Variants in NMU observed in about 807,000 individuals in gnomAD.
NMU encodes neuromedin U.
Under a neutral mutation model 35.4 loss-of-function variants are expected in NMU, and 29 were observed. The ratio of observed to expected loss-of-function variants is 0.82; its 90% CI spans 0.61 to 1.12. The LOEUF (loss-of-function observed/expected upper bound fraction) is 1.12. Among genes scored for constraint, NMU ranks in the 50% most tolerant of loss-of-function variants. The pLI is 0.00. For synonymous variants in NMU, 78 were observed against 81.3 expected (o/e 0.96, Z 0.22); for missense variants, 199 against 206.2 (o/e 0.97, Z 0.21).
chr4:55,625,280 T>C (rs2110208446), intron 2 of NMU, among the ~76,000 whole-genome samples: 2 of 152,250 alleles, frequency 1.3e-5, no homozygotes, highest in Non-Finnish European at 2.9e-5. Flanking sequence ...TATACTTTTT[T>C]TTTGCAAGTC....
At chr4:55,628,481 CATTATTATT>C (rs111899620) in intron 2 of NMU, among the ~76,000 whole-genome samples, 1 of 150,184 alleles carries the variant, frequency 6.7e-6, no homozygotes, top group Non-Finnish European at 1.5e-5. Flanking sequence ...TTATTTCTGC[CATTATTATT>C]ATTATTATTA....
intron 3 of NMU, among the ~76,000 whole-genome samples, chr4:55,616,039 G>A (rs1560520766): frequency 6.6e-6 from 1 of 152,136 alleles, no homozygotes. Flanking sequence ...ATGAGCCACT[G>A]CACCCTGACA....
At chr4:55,614,722 T>G (rs1054830300) in intron 3 of NMU, among the ~76,000 whole-genome samples, 9 of 152,194 alleles carry the variant, frequency 5.9e-5, no homozygotes, top group Non-Finnish European at 7.3e-5. Flanking sequence ...CTTGATGAAG[T>G]TTAAATGAGT....
chr4:55,636,036 G>C lies in NMU; in HGVS notation c.112+45C>G, dbSNP rs1715902828. The C allele has an allele frequency of 5.2e-6, 8 of 1,532,832 alleles. No individual in the cohort carries two copies. Among genetic ancestry groups the C allele is most frequent in the Non-Finnish European group, 7.0e-6 (8 of 1,146,182 alleles). 95.0% of individuals were successfully genotyped at this position (1,532,832 alleles called of 1,614,324 possible). ...GGAGAGCGGTGAGTGGAGCCAGAGA[G>C]AGGCGCGCATGGCGTGGAAGCGGCC... On this transcript the variant is annotated intron_variant, in intron 1 of 9. Coordinates refer to ENST00000264218, the MANE Select transcript of NMU (RefSeq NM_006681.4). The surrounding 1 kb of genome is among the most constrained non-coding windows in gnomAD (Gnocchi z 4.0).
intron 2 of NMU, among the ~76,000 whole-genome samples, chr4:55,619,598 G>A (rs60601441): frequency 0.02 from 2,564 of 131,360 alleles, 81 homozygotes; most frequent in African/African-American, 0.069. Flanking sequence ...AGGGGCGCCC[G>A]CCATTGCCCA....
intron 1 of NMU, among the ~76,000 whole-genome samples, chr4:55,632,006 T>C (rs1265476401): frequency 1.3e-5 from 2 of 152,220 alleles, no homozygotes; most frequent in African/African-American, 4.8e-5. Flanking sequence ...CAAAGTAATG[T>C]CTTTTGCAGC....
At chr4:55,619,036 A>AT (rs1046722493) in intron 2 of NMU, among the ~76,000 whole-genome samples, 10 of 151,658 alleles carry the variant, frequency 6.6e-5, no homozygotes, top group African/African-American at 2.4e-4. Context: ...TGCCTGGCTT[A>AT]TTTTTTATTA....
At position 55,636,128 on chromosome 4, in the gene NMU, A is replaced by T. The variant is rs1265826232; in HGVS notation, c.65T>A (p.Leu22His). ...GGCGAGCAGCAGCAGCAGCAGCAGG[A>T]GCGGGGACGCCGCGGCCACCTGTCC... ...PAGQVAAASP[L>H]LLLLLLLAWC... The change falls in exon 1 of 10, where the codon CTC (leucine) becomes CAC (histidine). Residue 22 changes from leucine to histidine, a missense_variant. Transcript: ENST00000264218. The surrounding 1 kb of genome is among the most constrained non-coding windows in gnomAD (Gnocchi z 4.0). 1.2e-5 allele frequency: 19 copies of T among 1,525,934 alleles called. No homozygotes were observed. In the Admixed American group the frequency reaches 3.6e-4, roughly 29 times the overall value. The allele number at this position is 1,525,934 out of a possible 1,614,324, so 94.5% of individuals were successfully genotyped here.
upstream of NMU, chr4:55,636,427 C>T: frequency 3.8e-6 from 2 of 529,510 alleles, no homozygotes; most frequent in Non-Finnish European, 6.1e-6. The surrounding 1 kb of genome is among the most constrained non-coding windows in gnomAD (Gnocchi z 4.0). Flanking sequence ...CCGCTGCCTG[C>T]CCGCGCCCCA....
chr4:55,625,239 C>A (rs189468606), intron 2 of NMU, among the ~76,000 whole-genome samples: 2 of 141,790 alleles, frequency 1.4e-5, no homozygotes, highest in African/African-American at 5.2e-5. Flanking sequence ...ATCTTAACTT[C>A]TTTAAATATA....
intron 2 of NMU, among the ~76,000 whole-genome samples, chr4:55,617,687 T>G (rs970711330): frequency 6.6e-6 from 1 of 152,212 alleles, no homozygotes; most frequent in African/African-American, 2.4e-5. Context: ...CTCTGACTTT[T>G]GAGCAATGCT....
At chr4:55,625,855 G>T (rs1350161121) in intron 2 of NMU, among the ~76,000 whole-genome samples, 1 of 151,562 alleles carries the variant, frequency 6.6e-6, no homozygotes, top group South Asian at 2.1e-4. Flanking sequence ...TGCTTCAAGT[G>T]CTGTAGTAGA....
At chr4:55,633,592 T>A (rs945330870) in intron 1 of NMU, among the ~76,000 whole-genome samples, 1 of 152,206 alleles carries the variant, frequency 6.6e-6, no homozygotes, top group East Asian at 1.9e-4. Context: ...TTCATTACTA[T>A]CTACTAAAGT....
At chr4:55,605,882 C>T (rs1196144260) in intron 6 of NMU, among the ~76,000 whole-genome samples, 1 of 152,182 alleles carries the variant, frequency 6.6e-6, no homozygotes, top group East Asian at 1.9e-4. Context: ...ATAGTGAAAA[C>T]TGTGACTAAG....
chr4:55,635,993 T>C (rs1040132280), intron 1 of NMU, 88 bp downstream of exon 1: 8 of 1,525,362 alleles, frequency 5.2e-6, no homozygotes, highest in Non-Finnish European at 7.0e-6. Flanking sequence ...CAAGTAAAGG[T>C]GAGAGAAAGA....
In NMU at chr4:55,630,269, A is replaced by G; in HGVS notation, c.171+133T>C. The G allele has an allele frequency of 6.6e-6, 5 of 759,982 alleles. No individual in the cohort carries two copies. In the South Asian group the frequency reaches 8.4e-5, roughly 13 times the overall value. The allele number at this position is 759,982 out of a possible 1,614,324, so 47.1% of individuals were successfully genotyped here. The stretch of plus-strand genomic sequence containing the variant: ...TCTCCTTCTCTTTTATTTAATAAAA[A>G]TAGTAATTCTGGGTTTTATTATTAG... On this transcript the variant is annotated intron_variant, in intron 2 of 9. Transcript: ENST00000264218.
chr4:55,596,105 C>T (rs1032568530), intron 9 of NMU, among the ~76,000 whole-genome samples: 4 of 152,108 alleles, frequency 2.6e-5, no homozygotes, highest in Non-Finnish European at 2.9e-5. Flanking sequence ...CAAAGGCTTA[C>T]ATTTACTCCT....
chr4:55,596,234 A>C (rs1733174367), intron 9 of NMU, among the ~76,000 whole-genome samples: 1 of 152,122 alleles, frequency 6.6e-6, no homozygotes, highest in South Asian at 2.1e-4. Context: ...GATGAGAAAA[A>C]CAAAGAAAAA....
At chr4:55,633,050 T>C (rs139910474) in intron 1 of NMU, among the ~76,000 whole-genome samples, 1,637 of 150,416 alleles carry the variant, frequency 0.011, 17 homozygotes, top group Middle Eastern at 0.035. Flanking sequence ...CCTGGCTGGG[T>C]GCAGTGGCTC....
Sources: gnomAD v4.1 joint callset for allele counts (sites outside exome capture counted in the v4.1 genomes callset) on GRCh38, gnomAD v4.1.1 for gene constraint, Gnocchi (gnomAD v3.1) non-coding constraint, MANE v1.5 for transcripts, NCBI Gene and HGNC (gene_info 2026-07-23, HGNC 2026-07-21) for gene names.